The following SAMMSON variants were observed in gnomAD, a reference collection of about 807,000 sequenced individuals.
The protein encoded by SAMMSON is survival associated mitochondrial melanoma specific oncogenic non-coding RNA.
intron 2 of SAMMSON, among the ~76,000 whole-genome samples, chr3:70,416,744 G>A (rs1467739139): frequency 6.6e-6 from 1 of 151,948 alleles, no homozygotes; most frequent in Non-Finnish European, 1.5e-5. Context: ...TATATCACCA[G>A]CATGAACCCC....
intron 4 of SAMMSON, among the ~76,000 whole-genome samples, chr3:70,109,682 A>C (rs1446894457): frequency 1.3e-5 from 2 of 152,174 alleles, no homozygotes; most frequent in African/African-American, 2.4e-5. Flanking sequence ...GTTTCAGATG[A>C]AGAAAAGATT....
chr3:70,190,152 A>G (rs1354667328), intron 4 of SAMMSON, among the ~76,000 whole-genome samples: 1 of 152,126 alleles, frequency 6.6e-6, no homozygotes, highest in Non-Finnish European at 1.5e-5. Context: ...TATGTGATAG[A>G]CAGTAGGCAA....
At chr3:70,224,781 T>A (rs1278478961) in intron 4 of SAMMSON, among the ~76,000 whole-genome samples, 1 of 152,166 alleles carries the variant, frequency 6.6e-6, no homozygotes, top group Non-Finnish European at 1.5e-5. Flanking sequence ...TTGCGCTCTA[T>A]TAAAACATTG....
chr3:70,177,312 C>A lies in SAMMSON; in HGVS notation n.508-71795C>A, dbSNP rs9872778. On this transcript the variant is annotated intron_variant and non_coding_transcript_variant, in intron 4 of 9. Coordinates refer to ENST00000642114, the Ensembl canonical transcript of SAMMSON. ...GCTGAAAGATCTGCACAGGGTGTGC[C>A]ATCCATTCATAATAATCTGTTCAAT... Among the ~76,000 whole-genome samples, 1,013 of 152,300 alleles carry A rather than the reference C, an allele frequency of 6.7e-3. 12 individuals carry two copies. Among genetic ancestry groups the A allele is most frequent in the African/African-American group, 0.023 (967 of 41,584 alleles).
At chr3:70,409,610 T>TAA (rs1701202593) in intron 2 of SAMMSON, among the ~76,000 whole-genome samples, 1 of 152,184 alleles carries the variant, frequency 6.6e-6, no homozygotes, top group African/African-American at 2.4e-5. Flanking sequence ...ATGCTTGGTT[T>TAA]CCTCTTCTGT....
intron 4 of SAMMSON, among the ~76,000 whole-genome samples, chr3:70,121,736 T>G (rs575293681): frequency 6.6e-6 from 1 of 152,304 alleles, no homozygotes; most frequent in East Asian, 1.9e-4. Context: ...TTTCTGGTGC[T>G]GGTGCTGCCT....
chr3:70,359,001 A>T (rs1438413796), intron 9 of SAMMSON, among the ~76,000 whole-genome samples: 1 of 152,112 alleles, frequency 6.6e-6, no homozygotes, highest in African/African-American at 2.4e-5. Flanking sequence ...GTGAGAAATG[A>T]GTTGGCTCGC....
chr3:70,352,174 A>AAC (rs916885092), intron 7 of SAMMSON, among the ~76,000 whole-genome samples: 2 of 152,052 alleles, frequency 1.3e-5, no homozygotes, highest in African/African-American at 4.8e-5. Context: ...CAAAAAGTTA[A>AAC]ACACAAATAA....
intron 2 of SAMMSON, among the ~76,000 whole-genome samples, chr3:70,423,697 C>T (rs935976372): frequency 6.6e-6 from 1 of 152,098 alleles, no homozygotes; most frequent in Non-Finnish European, 1.5e-5. Context: ...GCTCAGCTGA[C>T]CTAATTGTGT....
chr3:70,077,155 A>G (rs1281505136), intron 4 of SAMMSON, among the ~76,000 whole-genome samples: 3 of 152,206 alleles, frequency 2.0e-5, no homozygotes, highest in Non-Finnish European at 4.4e-5. Context: ...AAAGGATTTT[A>G]TGATTAAACT....
At chr3:70,351,254 T>C (rs1021038655) in intron 7 of SAMMSON, among the ~76,000 whole-genome samples, 2 of 152,224 alleles carry the variant, frequency 1.3e-5, no homozygotes, top group African/African-American at 4.8e-5. Context: ...AGTAAGTTGA[T>C]ACTTAAGGGA....
At position 70,433,832 on chromosome 3, in the gene SAMMSON, T is replaced by C. The variant is rs140328055; in HGVS notation, n.234-28728T>C. Among the ~76,000 whole-genome samples the C allele has an allele frequency of 1.7e-4, 26 of 152,292 alleles. 1 individual carries two copies. Among genetic ancestry groups the C allele is most frequent in the African/African-American group, 6.0e-4 (25 of 41,564 alleles). On this transcript the variant is annotated intron_variant and non_coding_transcript_variant, in intron 2 of 3. Coordinates refer to the SAMMSON transcript ENST00000641053. ...TACTTTTTATGAAAGATGTAAGATC[T>C]GTGTCTAGATTCTTGGGATTTTTTT... is the stretch of plus-strand genomic sequence containing the variant.
chr3:70,320,360 A>C (rs1702527992), intron 7 of SAMMSON, among the ~76,000 whole-genome samples: 1 of 152,060 alleles, frequency 6.6e-6, no homozygotes, highest in South Asian at 2.1e-4. Flanking sequence ...GGGGGGAATT[A>C]TTTTGCTCCA....
At chr3:70,230,592 T>C (rs563279640) in intron 4 of SAMMSON, among the ~76,000 whole-genome samples, 13 of 152,314 alleles carry the variant, frequency 8.5e-5, no homozygotes, top group Non-Finnish European at 1.9e-4. Context: ...GTTGTCTACT[T>C]ATTGTTTATT....
intron 7 of SAMMSON, among the ~76,000 whole-genome samples, chr3:70,329,665 G>T (rs1702606637): frequency 6.6e-6 from 1 of 151,750 alleles, no homozygotes; most frequent in South Asian, 2.1e-4. Flanking sequence ...TATGAATTCT[G>T]GCATATTTCA....
intron 4 of SAMMSON, among the ~76,000 whole-genome samples, chr3:70,173,762 G>GTT (rs1346995305): frequency 6.6e-6 from 1 of 151,672 alleles, no homozygotes; most frequent in Non-Finnish European, 1.5e-5. Context: ...TCTCTATTTA[G>GTT]TTTTTTTCTT....
chr3:70,190,925 A>G (rs1341732188), intron 4 of SAMMSON, among the ~76,000 whole-genome samples: 2 of 152,172 alleles, frequency 1.3e-5, no homozygotes, highest in Non-Finnish European at 2.9e-5. Context: ...CAGTGGGACC[A>G]TCCTGGCCTC....
intron 7 of SAMMSON, among the ~76,000 whole-genome samples, chr3:70,345,072 A>G (rs1090502): frequency 0.14 from 20,601 of 152,214 alleles, 1,497 homozygotes; most frequent in South Asian, 0.18. Flanking sequence ...TCTACATGTA[A>G]CAATCTATAT....
At chr3:70,027,467 G>C (rs1178537122) in intron 3 of SAMMSON, among the ~76,000 whole-genome samples, 1 of 152,178 alleles carries the variant, frequency 6.6e-6, no homozygotes, top group Non-Finnish European at 1.5e-5. Flanking sequence ...TCAAGCTTGT[G>C]CTAGGTTATC....
Sources: gnomAD v4.1 joint callset for allele counts (sites outside exome capture counted in the v4.1 genomes callset) on GRCh38, gnomAD v4.1.1 for gene constraint, MANE v1.5 for transcripts, NCBI Gene and HGNC (gene_info 2026-07-23, HGNC 2026-07-21) for gene names.